The following ARHGAP42 variants were observed in gnomAD, a reference collection of about 807,000 sequenced individuals.
ARHGAP42 encodes rho GTPase-activating protein 42.
ARHGAP42 carries 63 observed loss-of-function variants against 125.0 expected under a neutral mutation model. The observed-to-expected ratio is 0.50, with a 90% CI of 0.41 to 0.62. The LOEUF (loss-of-function observed/expected upper bound fraction) is 0.62, where lower values mean the gene tolerates loss of function less well. Ranked by LOEUF, ARHGAP42 falls within the 20% of genes least tolerant of loss-of-function variation. ARHGAP42 has a pLI of 0.00. For missense variants in ARHGAP42, 766 were observed against 1,024.2 expected (o/e 0.75, Z 3.44); for synonymous variants, 339 against 351.0 (o/e 0.97, Z 0.38).
chr11:100,806,817 T>TTTTA (rs1165259064), intron 3 of ARHGAP42, among the ~76,000 whole-genome samples: 1 of 141,160 alleles, frequency 7.1e-6, no homozygotes, highest in African/African-American at 2.6e-5. Context: ...TTTTTAAATT[T>TTTTA]TTTATTTGTT....
chr11:100,707,830 G>A (rs1203954519), intron 1 of ARHGAP42, among the ~76,000 whole-genome samples: 16 of 152,192 alleles, frequency 1.1e-4, no homozygotes, highest in Non-Finnish European at 1.6e-4. Flanking sequence ...TTATTGCTTG[G>A]TGTTGAGAGT....
chr11:100,921,955 A>T (rs1403867920), intron 6 of ARHGAP42, among the ~76,000 whole-genome samples: 1 of 150,536 alleles, frequency 6.6e-6, no homozygotes, highest in African/African-American at 2.5e-5. Context: ...GATGCTAATA[A>T]GAGAGGAAGC....
At chr11:100,950,878 ATTTTAT>A (rs1315172127) in intron 12 of ARHGAP42, among the ~76,000 whole-genome samples, 1 of 151,650 alleles carries the variant, frequency 6.6e-6, no homozygotes, top group Admixed American at 6.6e-5. Context: ...TTTCTTATTT[ATTTTAT>A]TTTTATTTTT....
intron 2 of ARHGAP42, among the ~76,000 whole-genome samples, chr11:100,772,864 T>C (rs750789769): frequency 2.0e-5 from 3 of 152,166 alleles, no homozygotes; most frequent in Non-Finnish European, 4.4e-5. Flanking sequence ...TGAGACAGAG[T>C]CTTGCTCTGT....
intron 2 of ARHGAP42, among the ~76,000 whole-genome samples, chr11:100,787,743 C>T (rs1160450425): frequency 1.3e-5 from 2 of 152,126 alleles, no homozygotes; most frequent in African/African-American, 4.8e-5. Context: ...TAAAAGGAGG[C>T]TAGACTATGG....
intron 9 of ARHGAP42, among the ~76,000 whole-genome samples, chr11:100,942,090 T>A (rs1425644967): frequency 1.3e-5 from 2 of 152,156 alleles, no homozygotes; most frequent in African/African-American, 4.8e-5. Context: ...CATGGCATAT[T>A]TATAAGCAGT....
At chr11:100,705,281 T>C (rs993544822) in intron 1 of ARHGAP42, among the ~76,000 whole-genome samples, 4 of 152,174 alleles carry the variant, frequency 2.6e-5, no homozygotes, top group Non-Finnish European at 4.4e-5. Flanking sequence ...TCTTTAATCA[T>C]TAGAACATTT....
intron 2 of ARHGAP42, among the ~76,000 whole-genome samples, chr11:100,784,470 T>C (rs553843201): frequency 6.6e-5 from 10 of 152,228 alleles, no homozygotes; most frequent in Non-Finnish European, 1.3e-4. Context: ...TATATGGGTA[T>C]GTAAGAAGGG....
At chr11:100,733,738 T>C (rs1707765634) in intron 1 of ARHGAP42, among the ~76,000 whole-genome samples, 1 of 144,600 alleles carries the variant, frequency 6.9e-6, no homozygotes, top group Non-Finnish European at 1.5e-5. Flanking sequence ...GGCATGAGAA[T>C]TTCCTAAACC....
intron 1 of ARHGAP42, among the ~76,000 whole-genome samples, chr11:100,729,339 C>T (rs1322063166): frequency 6.6e-6 from 1 of 151,510 alleles, no homozygotes; most frequent in African/African-American, 2.4e-5. Context: ...ATTAATATAT[C>T]TAAATTTTGT....
intron 1 of ARHGAP42, among the ~76,000 whole-genome samples, chr11:100,698,636 G>A (rs549495747): frequency 5.9e-5 from 9 of 152,116 alleles, no homozygotes; most frequent in African/African-American, 2.2e-4. Context: ...AGCCCAGATC[G>A]TGCCATTGTA....
chr11:100,699,048 G>T (rs1361217099), intron 1 of ARHGAP42, among the ~76,000 whole-genome samples: 2 of 151,774 alleles, frequency 1.3e-5, no homozygotes, highest in African/African-American at 2.4e-5. Flanking sequence ...AATGTTGGTG[G>T]TACCTTCTCA....
chr11:100,895,814 C>T (rs573918828), intron 4 of ARHGAP42, among the ~76,000 whole-genome samples: 2 of 152,054 alleles, frequency 1.3e-5, no homozygotes, highest in South Asian at 2.1e-4. Context: ...GGATGGAGCT[C>T]TGTCAAATGG....
intron 7 of ARHGAP42, among the ~76,000 whole-genome samples, chr11:100,935,006 A>AT (rs1490795188): frequency 3.9e-5 from 6 of 152,138 alleles, no homozygotes; most frequent in Admixed American, 3.9e-4. Flanking sequence ...ACATTAAATA[A>AT]AATTACATTA....
chr11:100,966,625 A>G (rs559958072), intron 17 of ARHGAP42, among the ~76,000 whole-genome samples: 1 of 152,334 alleles, frequency 6.6e-6, no homozygotes, highest in Non-Finnish European at 1.5e-5. Context: ...TGAACAAAAT[A>G]CCTTAATAGA....
At chr11:100,703,288 A>G (rs1200046346) in intron 1 of ARHGAP42, among the ~76,000 whole-genome samples, 4 of 152,122 alleles carry the variant, frequency 2.6e-5, no homozygotes, top group Non-Finnish European at 5.9e-5. Context: ...CCCATACTCT[A>G]TTTTCATCAA....
chr11:100,704,553 T>A (rs1861447592), intron 1 of ARHGAP42, among the ~76,000 whole-genome samples: 1 of 152,272 alleles, frequency 6.6e-6, no homozygotes, highest in Middle Eastern at 3.4e-3. Context: ...AAATTAGAAA[T>A]CTGTGAGTAT....
rs200006017 is a variant in ARHGAP42, at chr11:100,833,825, G to A, written c.313-25729G>A. On this transcript the variant is annotated intron_variant, in intron 3 of 23. Transcript: ENST00000298815. ...TCTGGCTGGCCCATATTCAACAGGA[G>A]GGAAATTGGGCTGTACCTCTTGATG... Among the ~76,000 whole-genome samples the A allele has an allele frequency of 1.2e-4, 18 of 152,262 alleles. No individual in the cohort carries two copies. The East Asian group carries it at 3.5e-3, about 29-fold the overall frequency.
chr11:100,893,923 A>G (rs1866281777), intron 4 of ARHGAP42, among the ~76,000 whole-genome samples: 2 of 151,274 alleles, frequency 1.3e-5, no homozygotes, highest in Non-Finnish European at 3.0e-5. Flanking sequence ...TGAGTTCATT[A>G]TTAAAAACAT....
Sources: allele counts gnomAD v4.1 joint callset (sites outside exome capture counted in the v4.1 genomes callset), GRCh38; gene constraint gnomAD v4.1.1; transcripts MANE v1.5; gene names NCBI Gene and HGNC (gene_info 2026-07-23, HGNC 2026-07-21).